The following CEMIP2 variants were observed in gnomAD, a reference collection of about 807,000 sequenced individuals.
The protein encoded by CEMIP2 is cell migration inducing hyaluronidase 2.
In CEMIP2, 79 loss-of-function variants were observed where a neutral mutation model predicts 146.9. That is an observed-to-expected ratio of 0.54 (90% CI 0.45 to 0.65). The LOEUF (loss-of-function observed/expected upper bound fraction) is 0.65, where lower values mean the gene tolerates loss of function less well. CEMIP2 is among the 30% of genes least tolerant of loss of function. The pLI is 0.00. For synonymous variants in CEMIP2, 601 were observed against 606.3 expected (o/e 0.99, Z 0.13); for missense variants, 1,596 against 1,696.2 (o/e 0.94, Z 1.04).
intron 18 of CEMIP2, among the ~76,000 whole-genome samples, chr9:71,703,386 T>C (rs1822631835): frequency 6.6e-6 from 1 of 152,180 alleles, no homozygotes. Flanking sequence ...TGGTAACGGT[T>C]CAGCTCAGAG....
Position 71,750,396 on chromosome 9 carries a change from A to G in CEMIP2, c.-12-11T>C, listed in dbSNP as rs762793199. On this transcript the variant is annotated splice_polypyrimidine_tract_variant and intron_variant, in intron 1 of 23. Transcript: ENST00000377044. ...CATGATACACTGTTACTGTGAAAAG[A>G]AAAAAAAATTAAGCTTCAGTATGTG... 1 of 1,502,456 alleles carries G rather than the reference A, an allele frequency of 6.7e-7. No individual in the cohort carries two copies. The highest frequency in any genetic ancestry group is 8.9e-7 in the Non-Finnish European group (1 of 1,118,512). 93.1% of individuals were successfully genotyped at this position (1,502,456 alleles called of 1,614,324 possible).
intron 10 of CEMIP2, 125 bp from the exon 11 acceptor site, chr9:71,725,834 G>C: frequency 9.4e-7 from 1 of 1,062,878 alleles, no homozygotes; most frequent in Non-Finnish European, 1.3e-6. Context: ...ATTATTGCAG[G>C]TTCAGAATTG....
chr9:71,724,104 G>A (rs2131944262), intron 11 of CEMIP2, among the ~76,000 whole-genome samples: 1 of 152,192 alleles, frequency 6.6e-6, no homozygotes, highest in African/African-American at 2.4e-5. Flanking sequence ...AGACCAGCCT[G>A]GCCAAAATGG....
intron 1 of CEMIP2, among the ~76,000 whole-genome samples, chr9:71,758,347 G>A (rs1199442139): frequency 6.6e-6 from 1 of 152,186 alleles, no homozygotes; most frequent in Non-Finnish European, 1.5e-5. Context: ...ATCAACAGGG[G>A]AAAAGACACA....
intron 22 of CEMIP2, chr9:71,686,355 G>C (rs7851147): frequency 0.058 from 9,628 of 167,292 alleles, 538 homozygotes; most frequent in African/African-American, 0.14. Context: ...ATGATCTGTT[G>C]ATCATCACCC....
At chr9:71,709,691 T>C (rs1822851310) in intron 16 of CEMIP2, among the ~76,000 whole-genome samples, 1 of 152,232 alleles carries the variant, frequency 6.6e-6, no homozygotes, top group African/African-American at 2.4e-5. Flanking sequence ...CAAAACCTTA[T>C]GGTGTTTAAT....
chr9:71,724,744 AT>A (rs1823333067), intron 11 of CEMIP2, among the ~76,000 whole-genome samples: 1 of 152,222 alleles, frequency 6.6e-6, no homozygotes, highest in Non-Finnish European at 1.5e-5. Context: ...AATTAGGTCA[AT>A]TATTCTTAAG....
At chr9:71,692,119 AG>A (rs1822246218) in intron 21 of CEMIP2, among the ~76,000 whole-genome samples, 1 of 150,344 alleles carries the variant, frequency 6.7e-6, no homozygotes, top group South Asian at 2.1e-4. Flanking sequence ...AAAAAAAAAA[AG>A]AAAAAAAAAA....
rs1212348115 is a variant in CEMIP2 at position 71,694,592 on chromosome 9, C to T, written c.3613G>A (p.Asp1205Asn). ...ACAGGGAGGTAACTTTTATGAGGAT[C>T]ACTAGTAAACACCACCTAGACAGAG... ...CGTRQVVFTSDPHKSYLPVQF... is the reference protein window; with the variant it reads ...CGTRQVVFTSNPHKSYLPVQF... Residue 1205 changes from aspartate (D) to asparagine (N), a missense_variant, in exon 21 of 24, where the codon GAT (aspartate) becomes AAT (asparagine). Coordinates refer to ENST00000377044, the MANE Select transcript of CEMIP2 (RefSeq NM_013390.3). 1 of 1,612,424 alleles carries T rather than the reference C, an allele frequency of 6.2e-7. No individual in the cohort carries two copies. The highest frequency in any genetic ancestry group is 1.7e-5 in the Admixed American group (1 of 60,010).
At chr9:71,711,962 T>C (rs1822918300) in intron 16 of CEMIP2, 121 bp downstream of exon 16, 2 of 1,042,536 alleles carry the variant, frequency 1.9e-6, no homozygotes, top group Admixed American at 2.4e-5. Flanking sequence ...TGGCTCTGTG[T>C]GTATGTCTCC....
chr9:71,760,221 TAA>T (rs1198590448), intron 1 of CEMIP2, among the ~76,000 whole-genome samples: 1 of 152,138 alleles, frequency 6.6e-6, no homozygotes, highest in Non-Finnish European at 1.5e-5. Flanking sequence ...AACCTGATAA[TAA>T]CAAAATAAGA....
intron 1 of CEMIP2, among the ~76,000 whole-genome samples, chr9:71,763,622 T>A (rs1824701452): frequency 6.6e-6 from 1 of 152,230 alleles, no homozygotes; most frequent in South Asian, 2.1e-4. Flanking sequence ...TTGTTCAAAC[T>A]ACAATGGACC....
rs1171736097 is a variant in CEMIP2 at position 71,730,736 on chromosome 9, C to T, written c.1742G>A (p.Cys581Tyr). Reference sequence around the variant, plus strand: ...GCCATTTGTCCCATGCACAGTGATGCACCTTGAGAAGCTGTGATGAATAGA... The same window carrying T: ...GCCATTTGTCCCATGCACAGTGATGTACCTTGAGAAGCTGTGATGAATAGA... Reference protein sequence around the residue: ...GLSIHHSFSRCITVHGTNGLL... With the variant: ...GLSIHHSFSRYITVHGTNGLL... The change falls in exon 8 of 24, where the codon TGC becomes TAC. Residue 581 changes from cysteine to tyrosine, a missense_variant. Cys to Tyr is a radical substitution (Grantham distance 194). Coordinates refer to ENST00000377044, the MANE Select transcript of CEMIP2 (RefSeq NM_013390.3). The T allele has an allele frequency of 6.2e-7, 1 of 1,614,098 alleles. No homozygotes were observed. The highest frequency in any genetic ancestry group is 8.5e-7 in the Non-Finnish European group (1 of 1,180,054).
At chr9:71,733,164 A>C (rs1482218467) in intron 6 of CEMIP2, among the ~76,000 whole-genome samples, 1 of 152,222 alleles carries the variant, frequency 6.6e-6, no homozygotes, top group Non-Finnish European at 1.5e-5. Flanking sequence ...AGTAATCTGC[A>C]ACTGGACATT....
At chr9:71,744,783 C>G (rs1490844073) in intron 4 of CEMIP2, among the ~76,000 whole-genome samples, 1 of 152,164 alleles carries the variant, frequency 6.6e-6, no homozygotes, top group Admixed American at 6.5e-5. Flanking sequence ...CAACTTTTCA[C>G]AAGTCTGGCA....
At chr9:71,726,936 G>A (rs542193710) in intron 10 of CEMIP2, among the ~76,000 whole-genome samples, 41 of 152,288 alleles carry the variant, frequency 2.7e-4, no homozygotes, top group Admixed American at 1.1e-3. Context: ...ACGGGGATAA[G>A]GGGAGTAGCA....
chr9:71,692,559 G>C (rs756702400), intron 21 of CEMIP2, among the ~76,000 whole-genome samples: 1 of 151,882 alleles, frequency 6.6e-6, no homozygotes, highest in African/African-American at 2.4e-5. Context: ...TTACATCACG[G>C]GTGTATTACA....
At chr9:71,700,901 C>A in intron 18 of CEMIP2, 77 bp from the exon 19 acceptor site, 1 of 1,311,906 alleles carries the variant, frequency 7.6e-7, no homozygotes. Context: ...ATGCAGATAA[C>A]TGTCCTTCAT....
intron 2 of CEMIP2, among the ~76,000 whole-genome samples, chr9:71,747,396 G>A (rs938493870): frequency 6.6e-6 from 1 of 152,206 alleles, no homozygotes; most frequent in Non-Finnish European, 1.5e-5. Context: ...AGGCAAAGGA[G>A]GCATGGGGCT....
Sources: allele counts gnomAD v4.1 joint callset (sites outside exome capture counted in the v4.1 genomes callset), GRCh38; gene constraint gnomAD v4.1.1; transcripts MANE v1.5; gene names NCBI Gene and HGNC (gene_info 2026-07-23, HGNC 2026-07-21).